Variants in FAAH2 observed in about 807,000 individuals in gnomAD.
FAAH2 encodes the protein fatty-acid amide hydrolase 2.
A neutral mutation model predicts 36.9 loss-of-function variants in FAAH2; 60 were observed. The ratio of observed to expected loss-of-function variants is 1.63; its 90% confidence interval spans 1.32 to 2.02. The LOEUF (loss-of-function observed/expected upper bound fraction) is 2.02, where lower values mean the gene tolerates loss of function less well. FAAH2 is among the 30% of genes most tolerant of loss of function. The pLI is 0.00. For synonymous variants in FAAH2, 214 were observed against 143.8 expected (o/e 1.49, Z -3.49); for missense variants, 689 against 397.5 (o/e 1.73, Z -6.23).
chrX:57,138,653 G>C, the FAAH2 span, among the ~76,000 whole-genome samples: 2 of 110,993 alleles, frequency 1.8e-5, no homozygotes, highest in East Asian at 5.6e-4. Flanking sequence ...TTTTCATAAT[G>C]GCTATGCTAA....
intron 10 of FAAH2, among the ~76,000 whole-genome samples, chrX:57,467,978 AG>A (rs1478410429): frequency 8.9e-6 from 1 of 111,951 alleles, no homozygotes; most frequent in Non-Finnish European, 1.9e-5. Context: ...GCTGATACCA[AG>A]GCAAACAGGG....
chrX:57,174,583 G>C, the FAAH2 span, among the ~76,000 whole-genome samples: 2 of 110,984 alleles, frequency 1.8e-5, no homozygotes, highest in Non-Finnish European at 3.8e-5. Context: ...AATTCATTTA[G>C]TTCTTTTCTG....
intron 10 of FAAH2, among the ~76,000 whole-genome samples, chrX:57,481,054 G>T (rs2057370131): frequency 9.3e-6 from 1 of 107,356 alleles, no homozygotes; most frequent in Admixed American, 1.0e-4. Flanking sequence ...ACTTTTGTAT[G>T]CTTCACGAAG....
In FAAH2 at chrX:57,488,907, G is replaced by T; in HGVS notation, c.1574G>T (p.Gly525Val). Reference sequence around the variant, plus strand: ...CAGTACTTGGAGAAAACTTTTGGGGGCTGGGTCTGTCCAGGAAAGTTTTAG... The same window carrying T: ...CAGTACTTGGAGAAAACTTTTGGGGTCTGGGTCTGTCCAGGAAAGTTTTAG... ...VAQYLEKTFG[G>V]WVCPGKF The change falls in exon 11 of 11, where the codon GGC (glycine) becomes GTC (valine). Residue 525 changes from glycine to valine, a missense_variant. Coordinates refer to ENST00000374900, the MANE Select transcript of FAAH2 (RefSeq NM_174912.4). 1 of 1,210,350 alleles carries T rather than the reference G, an allele frequency of 8.3e-7. No homozygotes were observed. Among genetic ancestry groups the T allele is most frequent in the Non-Finnish European group, 1.1e-6 (1 of 895,069 alleles).
chrX:57,434,003 C>T (rs1323508597), intron 8 of FAAH2, among the ~76,000 whole-genome samples: 1 of 110,931 alleles, frequency 9.0e-6, no homozygotes, highest in African/African-American at 3.3e-5. Context: ...GCAATAGACT[C>T]TGTGCAAAAG....
chrX:57,267,595 C>A, the FAAH2 span, among the ~76,000 whole-genome samples: 1 of 112,126 alleles, frequency 8.9e-6, no homozygotes, highest in Admixed American at 9.4e-5. Flanking sequence ...GGCAGGTACC[C>A]CCTGCATCCA....
chrX:57,455,218 C>T (rs190903565), intron 10 of FAAH2, among the ~76,000 whole-genome samples: 11 of 111,081 alleles, frequency 9.9e-5, no homozygotes, highest in Admixed American at 5.8e-4. Flanking sequence ...CATAAGCAAA[C>T]GAGAAATAAA....
chrX:57,208,516 G>C, the FAAH2 span, among the ~76,000 whole-genome samples: 9 of 111,653 alleles, frequency 8.1e-5, no homozygotes, highest in East Asian at 1.1e-3. Flanking sequence ...CTTCAACCTG[G>C]GTTTGAGCCC....
chrX:57,233,893 G>A, the FAAH2 span, among the ~76,000 whole-genome samples: 3 of 112,801 alleles, frequency 2.7e-5, no homozygotes, highest in African/African-American at 6.4e-5. Context: ...TGATCCGCCC[G>A]CCTCTGCCTC....
chrX:57,128,735 A>G, the FAAH2 span, among the ~76,000 whole-genome samples: 1 of 112,207 alleles, frequency 8.9e-6, no homozygotes, highest in Non-Finnish European at 1.9e-5. Context: ...TTCACTTACT[A>G]AACAAGTATT....
the FAAH2 span, among the ~76,000 whole-genome samples, chrX:57,258,863 C>A: frequency 3.7e-5 from 4 of 107,843 alleles, no homozygotes; most frequent in South Asian, 1.6e-3. Flanking sequence ...CACCTGCCAC[C>A]ACGCCTGGCT....
At chrX:57,159,962 T>C in the FAAH2 span, among the ~76,000 whole-genome samples, 9 of 111,876 alleles carry the variant, frequency 8.0e-5, no homozygotes, top group East Asian at 2.8e-4. Context: ...CAGTATGATA[T>C]TGACTGTGGG....
At position 57,432,024 on chromosome X, in the gene FAAH2, G is replaced by A. The variant is rs369710911; in HGVS notation, c.1103G>A (p.Gly368Glu). ...QLWIAMMSAK[G>E]HDGKEPVKFV... ...TGGATCGCAATGATGTCAGCAAAGG[G>A]ACATGATGGGAAGGTATTTTTACCT... The change falls in exon 8 of 11, where the codon GGA (glycine) becomes GAA (glutamate). Residue 368 changes from glycine to glutamate, a missense_variant. Gly to Glu is a moderately conservative substitution (Grantham distance 98, BLOSUM62 -2). Transcript: ENST00000374900. The A allele has an allele frequency of 1.7e-6, 2 of 1,196,826 alleles. No homozygotes were observed. The highest frequency in any genetic ancestry group is 2.3e-6 in the Non-Finnish European group (2 of 888,051).
intron 2 of FAAH2, among the ~76,000 whole-genome samples, chrX:57,299,406 C>A (rs1443249555): frequency 9.0e-6 from 1 of 111,578 alleles, no homozygotes; most frequent in African/African-American, 3.3e-5. Context: ...AATTCAACAA[C>A]ACTTCATGCT....
the FAAH2 span, among the ~76,000 whole-genome samples, chrX:57,277,839 T>C: frequency 9.0e-6 from 1 of 110,546 alleles, no homozygotes; most frequent in Non-Finnish European, 1.9e-5. Context: ...ACAAAGAGAA[T>C]AAAATACCTA....
chrX:57,213,591 A>G, the FAAH2 span, among the ~76,000 whole-genome samples: 22 of 111,888 alleles, frequency 2.0e-4, no homozygotes, highest in Admixed American at 9.5e-5. Flanking sequence ...CAATCAAAAG[A>G]CGCTTCAGGA....
intron 3 of FAAH2, among the ~76,000 whole-genome samples, chrX:57,312,438 C>G (rs144133898): frequency 9.0e-6 from 1 of 110,919 alleles, no homozygotes; most frequent in Non-Finnish European, 1.9e-5. Context: ...TTTGGGAGGC[C>G]GAGGCAGGTG....
At chrX:57,338,454 G>A (rs776505529) in intron 4 of FAAH2, among the ~76,000 whole-genome samples, 12 of 111,660 alleles carry the variant, frequency 1.1e-4, no homozygotes, top group Non-Finnish European at 2.3e-4. Context: ...TTAAGGTGGG[G>A]CAGGACATTT....
chrX:57,328,567 C>T (rs1332705321), intron 3 of FAAH2, among the ~76,000 whole-genome samples: 1 of 111,444 alleles, frequency 9.0e-6, no homozygotes, highest in Non-Finnish European at 1.9e-5. Context: ...TCATTTCAGC[C>T]ATCTCAGCCT....
Sources: gnomAD v4.1 joint callset for allele counts (sites outside exome capture counted in the v4.1 genomes callset) on GRCh38, gnomAD v4.1.1 for gene constraint, MANE v1.5 for transcripts, NCBI Gene and HGNC (gene_info 2026-07-23, HGNC 2026-07-21) for gene names.